FANK1: variants seen among roughly 807,000 people sequenced by gnomAD.
The protein encoded by FANK1 is fibronectin type 3 and ankyrin repeat domains protein 1.
In FANK1, 44 loss-of-function variants were observed where a neutral mutation model predicts 45.3. The observed-to-expected ratio is 0.97, with a 90% CI of 0.76 to 1.25. FANK1 has a LOEUF of 1.25. Ranked by LOEUF, FANK1 falls within the 50% of genes most tolerant of loss-of-function variation. The pLI, the probability that FANK1 is intolerant of heterozygous loss-of-function variation, is 0.00. For synonymous variants in FANK1, 149 were observed against 152.5 expected, an observed-to-expected ratio of 0.98 and a Z score of 0.17; for missense variants, 391 against 424.4, an observed-to-expected ratio of 0.92 and a Z score of 0.69.
At chr10:125,998,245 C>T (rs561116594) in intron 6 of FANK1, among the ~76,000 whole-genome samples, 3 of 152,308 alleles carry the variant, frequency 2.0e-5, no homozygotes, top group South Asian at 2.1e-4. Flanking sequence ...TAGATGACAT[C>T]GACAGACAGC....
chr10:125,900,795 G>A (rs2134099613), intron 1 of FANK1, among the ~76,000 whole-genome samples: 1 of 152,260 alleles, frequency 6.6e-6, no homozygotes, highest in African/African-American at 2.4e-5. Flanking sequence ...GGGATTACAG[G>A]TGCACGCCAT....
rs1223137077 is a variant in FANK1 at position 125,943,632 on chromosome 10, T to TGAA, written c.14-36529_14-36528insGAA. On this transcript the variant is annotated intron_variant, in intron 1 of 10. Transcript: ENST00000368693. ...TGTTTATTAAATTTTGAATGAACTC[T>TGAA]CTATTCATGCTCAGGTGTTCCTTCT... is the stretch of plus-strand genomic sequence containing the variant. 4.7e-3 allele frequency among the ~76,000 whole-genome samples: 720 copies of TGAA among 152,334 alleles called. 7 individuals carry two copies. The highest frequency in any genetic ancestry group is 0.016 in the African/African-American group (654 of 41,568).
At chr10:125,999,238 C>T (rs1952575370) in intron 6 of FANK1, among the ~76,000 whole-genome samples, 1 of 139,628 alleles carries the variant, frequency 7.2e-6, no homozygotes, top group Non-Finnish European at 1.5e-5. Context: ...CTCACTCTGT[C>T]CTCCAGATTG....
At chr10:125,919,740 A>AG (rs1191157536) in intron 1 of FANK1, among the ~76,000 whole-genome samples, 1 of 152,054 alleles carries the variant, frequency 6.6e-6, no homozygotes, top group Non-Finnish European at 1.5e-5. Flanking sequence ...CCCTCAAGTG[A>AG]GTTTTTCCAC....
chr10:125,942,932 G>T (rs749560907), intron 1 of FANK1, among the ~76,000 whole-genome samples: 2 of 150,714 alleles, frequency 1.3e-5, no homozygotes, highest in African/African-American at 4.9e-5. Flanking sequence ...TCCTGCCTCA[G>T]CCTCCTGAGT....
intron 6 of FANK1, among the ~76,000 whole-genome samples, chr10:126,003,319 T>C (rs1293126599): frequency 1.3e-5 from 2 of 152,048 alleles, no homozygotes; most frequent in East Asian, 3.8e-4. Context: ...TCCCAGCACT[T>C]TGGGAGGCCG....
intron 1 of FANK1, among the ~76,000 whole-genome samples, chr10:125,948,250 G>C (rs1948950780): frequency 6.6e-6 from 1 of 151,058 alleles, no homozygotes; most frequent in Admixed American, 6.6e-5. Flanking sequence ...CAGAAGGCAA[G>C]AAATAACTAA....
chr10:125,984,169 C>T (rs1448371518), intron 2 of FANK1, among the ~76,000 whole-genome samples: 1 of 152,068 alleles, frequency 6.6e-6, no homozygotes, highest in Non-Finnish European at 1.5e-5. Flanking sequence ...GCAGTGATTC[C>T]CTCCTACACA....
intron 3 of FANK1, chr10:125,989,211 C>CA (rs2134211293): frequency 7.0e-7 from 1 of 1,430,124 alleles, no homozygotes; most frequent in East Asian, 2.5e-5. Flanking sequence ...GCCCTTCAGC[C>CA]GGCTGAGTTT....
intron 3 of FANK1, among the ~76,000 whole-genome samples, chr10:125,990,336 G>A (rs1232803547): frequency 6.6e-6 from 1 of 152,170 alleles, no homozygotes; most frequent in Non-Finnish European, 1.5e-5. Context: ...CAAGGCTACA[G>A]TGAGCTATGG....
At chr10:125,961,213 C>T (rs569114827) in intron 1 of FANK1, among the ~76,000 whole-genome samples, 2 of 152,262 alleles carry the variant, frequency 1.3e-5, no homozygotes, top group East Asian at 3.9e-4. Context: ...CTTAAGAAAT[C>T]CTCGTACTTC....
chr10:125,898,124 T>C (rs1589740903), intron 1 of FANK1, among the ~76,000 whole-genome samples: 3 of 148,548 alleles, frequency 2.0e-5, no homozygotes, highest in Non-Finnish European at 4.4e-5. Context: ...GAGGCGGAGG[T>C]TGCAGTGAGG....
intron 1 of FANK1, among the ~76,000 whole-genome samples, chr10:125,934,601 G>T (rs1429888315): frequency 6.6e-6 from 1 of 152,094 alleles, no homozygotes; most frequent in Non-Finnish European, 1.5e-5. Context: ...ACTGGAGGAG[G>T]AGGTGGGAGA....
intron 4 of FANK1, among the ~76,000 whole-genome samples, chr10:125,996,032 G>A (rs1382736730): frequency 6.6e-6 from 1 of 152,112 alleles, no homozygotes; most frequent in South Asian, 2.1e-4. Context: ...TTGTGAATTC[G>A]GCTCTGTAAT....
chr10:125,902,942 AAATC>A (rs1464653063), intron 1 of FANK1, among the ~76,000 whole-genome samples: 16 of 150,536 alleles, frequency 1.1e-4, no homozygotes, highest in Admixed American at 6.6e-5. Context: ...AATGCTTAAT[AAATC>A]AAGATTAAAA....
chr10:125,999,739 A>G (rs550533166), intron 6 of FANK1, among the ~76,000 whole-genome samples: 1 of 152,308 alleles, frequency 6.6e-6, no homozygotes, highest in Middle Eastern at 3.4e-3. Flanking sequence ...TAAAATTCGA[A>G]TAACAGAAGT....
intron 3 of FANK1, among the ~76,000 whole-genome samples, chr10:125,991,360 G>A (rs1259082943): frequency 6.6e-6 from 1 of 152,138 alleles, no homozygotes; most frequent in East Asian, 1.9e-4. Context: ...TCAACCTCAG[G>A]GGGGCTGTAC....
chr10:125,959,793 T>C (rs977578606), intron 1 of FANK1, among the ~76,000 whole-genome samples: 3 of 152,218 alleles, frequency 2.0e-5, no homozygotes, highest in Admixed American at 6.5e-5. Context: ...AAATATTCAA[T>C]TTTTTAAATA....
At chr10:125,936,679 C>A (rs774429044) in intron 1 of FANK1, among the ~76,000 whole-genome samples, 32 of 152,160 alleles carry the variant, frequency 2.1e-4, no homozygotes, top group Non-Finnish European at 3.8e-4. Flanking sequence ...AGTTGAAGAT[C>A]CTTCTTTCTC....
Sources: allele counts gnomAD v4.1 joint callset (sites outside exome capture counted in the v4.1 genomes callset), GRCh38; gene constraint gnomAD v4.1.1; transcripts MANE v1.5; gene names NCBI Gene and HGNC (gene_info 2026-07-23, HGNC 2026-07-21).